ZAN: variants seen among roughly 807,000 people sequenced by gnomAD.
ZAN encodes zonadhesin, also known as zonadhesin (gene/pseudogene).
Under a neutral mutation model 286.2 loss-of-function variants are expected in ZAN, and 260 were observed. That is an observed-to-expected ratio of 0.91 (90% CI 0.82 to 1.01). The LOEUF (loss-of-function observed/expected upper bound fraction) is 1.01. ZAN is among the 50% of genes least tolerant of loss of function. The probability of loss-of-function intolerance (pLI) is 0.00; values close to 1 mark genes in which losing one functional copy is unlikely to be tolerated. For missense variants in ZAN, 3,410 were observed against 3,639.2 expected (o/e 0.94, Z 1.62); for synonymous variants, 1,368 against 1,417.5 (o/e 0.97, Z 0.79).
intron 29 of ZAN, among the ~76,000 whole-genome samples, chr7:100,772,822 G>GA (rs112294123): frequency 2.1e-5 from 3 of 145,784 alleles, no homozygotes; most frequent in South Asian, 2.2e-4. Context: ...CTGTCTACAA[G>GA]AAAAAAAAAA....
chr7:100,751,568 T>C (rs1233280267), intron 13 of ZAN, 144 bp from the exon 14 acceptor site: 2 of 885,646 alleles, frequency 2.3e-6, no homozygotes, highest in African/African-American at 3.4e-5. Flanking sequence ...TTAGTGTTCG[T>C]TGAGTGGATG....
At position 100,758,637 on chromosome 7, in the gene ZAN, T is replaced by C. The variant is rs116450372; in HGVS notation, c.3558T>C (p.Cys1186=). 8.8e-4 allele frequency: 1,375 copies of C among 1,555,198 alleles called. 13 individuals carry two copies. The African/African-American group carries it at 0.016, about 19-fold the overall frequency. ...GKCTYILAQP[C]GNSTDPFFRV... is the part of the protein sequence containing the mutation. The stretch of plus-strand genomic sequence containing the variant: ...GCACTTACATCTTGGCCCAGCCCTG[T>C]GGCAACTCAACAGGTAGGCCCTGGA... The change falls in exon 17 of 48, where the codon TGT becomes TGC. Residue 1186 remains cysteine, a synonymous_variant. Coordinates refer to ENST00000613979, the MANE Select transcript of ZAN (RefSeq NM_003386.3).
At chr7:100,775,898 G>C in intron 33 of ZAN, 65 bp downstream of exon 33, 1 of 1,582,626 alleles carries the variant, frequency 6.3e-7, no homozygotes, top group South Asian at 1.2e-5. Context: ...GGCCGGCAGG[G>C]ATGGGGGGCA....
chr7:100,774,169 A>G (rs931712415), intron 31 of ZAN, among the ~76,000 whole-genome samples: 4 of 152,192 alleles, frequency 2.6e-5, no homozygotes, highest in African/African-American at 9.6e-5. Flanking sequence ...CGGGTGGATC[A>G]CTTGAGACCA....
intron 7 of ZAN, among the ~76,000 whole-genome samples, chr7:100,741,638 G>A (rs1419810128): frequency 4.2e-3 from 49 of 11,536 alleles, no homozygotes; most frequent in African/African-American, 8.8e-3. Flanking sequence ...CCTCCCGGAC[G>A]GGGCGGCTGG....
chr7:100,752,927 T>C lies in ZAN; in HGVS notation c.2822T>C (p.Leu941Pro), dbSNP rs758006005. The change falls in exon 14 of 48, where the codon CTC becomes CCC. Residue 941 changes from leucine to proline, a missense_variant. This residue lies in a region of ZAN where 1,042 missense variants were observed against 1,058.0 expected (regional missense o/e 0.98). Coordinates refer to ENST00000613979, the MANE Select transcript of ZAN (RefSeq NM_003386.3). ...GAGACTACCATCTCCACAGAAAAAC[T>C]CACCATCCCCACAGAAAAACCCACC... is the stretch of plus-strand genomic sequence containing the variant. ...TEETTISTEKLTIPTEKPTIS... is the reference protein window; with the variant it reads ...TEETTISTEKPTIPTEKPTIS... The C allele has an allele frequency of 1.2e-3, 1,644 of 1,359,098 alleles. 12 individuals carry two copies. The highest frequency in any genetic ancestry group is 0.01 in the South Asian group (815 of 77,748). The allele number at this position is 1,359,098 out of a possible 1,614,324, so 84.2% of individuals were successfully genotyped here. A position where few individuals can be genotyped will look rare whatever the true frequency, so the allele number is the denominator to read the frequency against.
chr7:100,776,979 G>A (rs1363448061), intron 34 of ZAN, among the ~76,000 whole-genome samples: 1 of 148,632 alleles, frequency 6.7e-6, no homozygotes, highest in South Asian at 2.2e-4. Context: ...TGATCCACCC[G>A]CCTCGGCCTC....
Position 100,736,897 on chromosome 7 carries a change from CCT to C in ZAN, c.345_346del (p.Val117AlafsTer23). 6.7e-7 allele frequency: 1 copy of C among 1,489,908 alleles called. No individual in the cohort carries two copies. The allele number at this position is 1,489,908 out of a possible 1,614,324, so 92.3% of individuals were successfully genotyped here. ...LSPDLWEQGP[L>X]CVHFAHHMFG... ...GCCCCGACCTATGGGAGCAAGGCCC[CCT>C]CTGTGTGCACTTTGCCCACCACATG... On this transcript the variant is annotated frameshift_variant, in exon 5 of 48. Transcript: ENST00000613979. LOFTEE classifies it high-confidence loss of function.
chr7:100,760,410 C>G lies in ZAN; in HGVS notation c.3716C>G (p.Thr1239Ser). ...TTCCAGGTTGGGGGTCAGCAAGTTA[C>G]TCTCCCAGCCATACCCTCTAAAGGC... ...RRTLVGGQQV[T>S]LPAIPSKGVF... Residue 1239 changes from threonine to serine, a missense_variant, in exon 19 of 48, where the codon ACT becomes AGT. Around this residue, in one of 7 missense-constraint regions of ZAN, gnomAD observed 1,042 missense variants for 1,058.0 expected, o/e 0.98. Coordinates refer to ENST00000613979, the MANE Select transcript of ZAN (RefSeq NM_003386.3). The G allele has an allele frequency of 1.2e-6, 2 of 1,613,920 alleles. No homozygotes were observed. The highest frequency in any genetic ancestry group is 8.5e-7 in the Non-Finnish European group (1 of 1,179,864).
intron 27 of ZAN, 149 bp downstream of exon 27, chr7:100,768,870 C>A (rs868250513): frequency 7.7e-6 from 5 of 648,816 alleles, no homozygotes; most frequent in Non-Finnish European, 1.3e-5. Flanking sequence ...CCTGTTTAGA[C>A]TCTCCAAGAT....
chr7:100,792,713 T>A (rs976749009), intron 42 of ZAN, among the ~76,000 whole-genome samples: 1 of 152,084 alleles, frequency 6.6e-6, no homozygotes, highest in Non-Finnish European at 1.5e-5. Context: ...GCCTGGCTCC[T>A]TCTCTGCCCC....
chr7:100,746,562 C>T lies in ZAN; in HGVS notation c.791C>T (p.Pro264Leu). ...GGTGGCTGCTACATGCTCCTGGACC[C>T]CAAGAATGCAAGACCTGGGCAGAAA... is the stretch of plus-strand genomic sequence containing the variant. Reference protein sequence around the residue: ...PGSGCYMLLDPKNARPGQKAV... With the variant: ...PGSGCYMLLDLKNARPGQKAV... The change falls in exon 8 of 48, where the codon CCC (proline) becomes CTC (leucine). Residue 264 changes from proline to leucine, a missense_variant. Transcript: ENST00000613979. The T allele has an allele frequency of 6.2e-7, 1 of 1,613,956 alleles. No homozygotes were observed. The highest frequency in any genetic ancestry group is 1.6e-4 in the Middle Eastern group (1 of 6,062).
intron 10 of ZAN, 41 bp from the exon 11 acceptor site, chr7:100,748,283 C>T (rs781107195): frequency 5.0e-6 from 8 of 1,613,698 alleles, no homozygotes; most frequent in African/African-American, 4.0e-5. Context: ...GGCTGGAGAG[C>T]GTCACTCAAC....
At chr7:100,734,916 C>T (rs1421865233) in intron 2 of ZAN, among the ~76,000 whole-genome samples, 3 of 139,862 alleles carry the variant, frequency 2.1e-5, no homozygotes, top group East Asian at 2.1e-4. Flanking sequence ...CCAAGCGCGG[C>T]GGCTCACCCC....
At chr7:100,768,935 C>T (rs759869188) in intron 27 of ZAN, among the ~76,000 whole-genome samples, 2 of 152,164 alleles carry the variant, frequency 1.3e-5, no homozygotes, top group Non-Finnish European at 2.9e-5. Flanking sequence ...CTGATTTCTC[C>T]CATGCTTAGT....
At chr7:100,778,122 A>G (rs1370389925) in intron 34 of ZAN, among the ~76,000 whole-genome samples, 2 of 151,828 alleles carry the variant, frequency 1.3e-5, no homozygotes, top group Non-Finnish European at 2.9e-5. Context: ...GCAGCATAGC[A>G]AGACCCCATC....
chr7:100,765,646 TTTC>T, intron 23 of ZAN, 92 bp downstream of exon 23: 1 of 1,429,974 alleles, frequency 7.0e-7, no homozygotes. Flanking sequence ...TTTCTTTTCG[TTTC>T]TTGTTTTGTT....
rs867749762 is a variant in ZAN at position 100,784,665 on chromosome 7, C to T, written c.6665C>T (p.Pro2222Leu). 1.2e-6 allele frequency: 2 copies of T among 1,613,982 alleles called. No homozygotes were observed. Among genetic ancestry groups the T allele is most frequent in the South Asian group, 1.1e-5 (1 of 91,082 alleles). The change falls in exon 36 of 48, where the codon CCC (proline) becomes CTC (leucine). Residue 2222 changes from proline to leucine, a missense_variant. By Grantham distance (98) the Pro-to-Leu change is moderately conservative. This residue lies in a region of ZAN where 1,289 missense variants were observed against 1,314.3 expected (regional missense o/e 0.98). Transcript: ENST00000613979. ...TACAGCAGCTACACCAACTGCCTTC[C>T]CTCCTGCTCACCCTCCTGCTGGGAC... ...PAYSSYTNCL[P>L]SCSPSCWDLD... is the part of the protein sequence containing the mutation.
intron 38 of ZAN, among the ~76,000 whole-genome samples, 176 bp from the exon 39 acceptor site, chr7:100,789,042 G>C (rs571993571): frequency 6.6e-6 from 1 of 152,198 alleles, no homozygotes; most frequent in Admixed American, 6.6e-5. Context: ...GGCTGGGAAG[G>C]GGGCGGACCT....
Sources: gnomAD v4.1 joint callset for allele counts (sites outside exome capture counted in the v4.1 genomes callset) on GRCh38, gnomAD v4.1.1 for gene constraint, gnomAD v4.1.1 regional missense constraint, MANE v1.5 for transcripts, NCBI Gene and HGNC (gene_info 2026-07-23, HGNC 2026-07-21) for gene names.